ZNF385D: variants seen among roughly 807,000 people sequenced by gnomAD.
The protein encoded by ZNF385D is zinc finger protein 385D.
Under a neutral mutation model 35.8 loss-of-function variants are expected in ZNF385D, and 15 were observed. The observed-to-expected ratio is 0.42, with a 90% CI of 0.28 to 0.64. The LOEUF is 0.64. Ranked by LOEUF, ZNF385D falls within the 30% of genes least tolerant of loss-of-function variation. The pLI is 0.23. For missense variants in ZNF385D, 474 were observed against 494.6 expected, an observed-to-expected ratio of 0.96 and a Z score of 0.39; for synonymous variants, 212 against 186.8, an observed-to-expected ratio of 1.13 and a Z score of -1.10.
intron 2 of ZNF385D, among the ~76,000 whole-genome samples, chr3:22,302,342 ATTTT>A (rs1702946753): frequency 6.6e-6 from 1 of 151,630 alleles, no homozygotes; most frequent in Non-Finnish European, 1.5e-5. Flanking sequence ...TCTCATTGTG[ATTTT>A]AATATGCTTT....
In ZNF385D at chr3:21,497,544, A is replaced by T. The variant is rs185187970; in HGVS notation, c.439+13317T>A. ...ACTCTTCACAGAATTATTTAAAAAA[A>T]TTTTTTTTAAATTCATATGGCCAGG... On this transcript the variant is annotated intron_variant, in intron 4 of 7. Coordinates refer to ENST00000281523, the MANE Select transcript of ZNF385D (RefSeq NM_024697.3). Among the ~76,000 whole-genome samples, 324 of 152,226 alleles carry T rather than the reference A, an allele frequency of 2.1e-3. 1 individual carries two copies. Among genetic ancestry groups the T allele is most frequent in the African/African-American group, 7.2e-3 (301 of 41,542 alleles).
At chr3:21,728,279 TATA>T (rs111369677) in intron 1 of ZNF385D, among the ~76,000 whole-genome samples, 38,219 of 144,694 alleles carry the variant, frequency 0.26, 5,245 homozygotes, top group Middle Eastern at 0.36. Flanking sequence ...GAACTTAAAG[TATA>T]ATAATAATAA....
chr3:21,573,823 G>T (rs2063407968), intron 2 of ZNF385D, among the ~76,000 whole-genome samples: 1 of 151,698 alleles, frequency 6.6e-6, no homozygotes, highest in South Asian at 2.1e-4. Context: ...ACTCTGGAAG[G>T]CCAAGGAGGG....
At chr3:22,143,904 A>G (rs1029058113) in intron 3 of ZNF385D, among the ~76,000 whole-genome samples, 2 of 152,182 alleles carry the variant, frequency 1.3e-5, no homozygotes, top group Admixed American at 6.5e-5. Flanking sequence ...TATCTTATTC[A>G]TTTTTAATAT....
At chr3:22,014,549 C>T (rs1696768018) in intron 3 of ZNF385D, among the ~76,000 whole-genome samples, 1 of 152,054 alleles carries the variant, frequency 6.6e-6, no homozygotes, top group African/African-American at 2.4e-5. Context: ...GAACCCCAAA[C>T]CCACATCCAC....
At chr3:21,866,235 C>T (rs1399557316) in intron 3 of ZNF385D, among the ~76,000 whole-genome samples, 2 of 151,934 alleles carry the variant, frequency 1.3e-5, no homozygotes, top group African/African-American at 4.8e-5. Flanking sequence ...GGCAGATCAT[C>T]TGAGGTCAGG....
intron 2 of ZNF385D, among the ~76,000 whole-genome samples, chr3:21,605,131 G>T (rs1347463838): frequency 6.6e-6 from 1 of 152,156 alleles, no homozygotes; most frequent in Non-Finnish European, 1.5e-5. Context: ...GTATTCATCG[G>T]AGTATAAAGG....
At chr3:21,434,412 G>A (rs780317983) in intron 5 of ZNF385D, among the ~76,000 whole-genome samples, 1 of 152,190 alleles carries the variant, frequency 6.6e-6, no homozygotes, top group Non-Finnish European at 1.5e-5. Flanking sequence ...CCTGGCAGAA[G>A]AGCAGGTATC....
intron 3 of ZNF385D, among the ~76,000 whole-genome samples, chr3:21,861,370 T>C (rs965662357): frequency 4.6e-5 from 7 of 152,174 alleles, no homozygotes; most frequent in African/African-American, 1.4e-4. Context: ...CTCATAAACA[T>C]GCATTTATCT....
At chr3:22,288,268 T>TA (rs1702127368) in intron 2 of ZNF385D, among the ~76,000 whole-genome samples, 1 of 152,088 alleles carries the variant, frequency 6.6e-6, no homozygotes, top group African/African-American at 2.4e-5. Context: ...GGGCTTCTTA[T>TA]ATGTGGACTT....
At chr3:22,301,076 G>A (rs1702875182) in intron 2 of ZNF385D, among the ~76,000 whole-genome samples, 1 of 151,984 alleles carries the variant, frequency 6.6e-6, no homozygotes, top group Non-Finnish European at 1.5e-5. Flanking sequence ...GTTCTACATA[G>A]ACACAGTGTA....
At chr3:21,989,016 G>C (rs550724401) in intron 3 of ZNF385D, among the ~76,000 whole-genome samples, 4 of 152,010 alleles carry the variant, frequency 2.6e-5, no homozygotes, top group Non-Finnish European at 4.4e-5. Context: ...TTCGGCTCGC[G>C]CACGGTGCGC....
At chr3:21,740,901 T>C (rs73822036) in intron 1 of ZNF385D, among the ~76,000 whole-genome samples, 2,185 of 152,290 alleles carry the variant, frequency 0.014, 53 homozygotes, top group African/African-American at 0.05. Flanking sequence ...CTTCAGAGAA[T>C]TTGGTTATAC....
At chr3:22,337,757 T>C (rs1180469122) in intron 2 of ZNF385D, among the ~76,000 whole-genome samples, 1 of 152,194 alleles carries the variant, frequency 6.6e-6, no homozygotes, top group African/African-American at 2.4e-5. Flanking sequence ...TATTTGTATG[T>C]TTTCATAGAA....
chr3:21,997,788 G>T (rs1399236592), intron 3 of ZNF385D, among the ~76,000 whole-genome samples: 1 of 151,848 alleles, frequency 6.6e-6, no homozygotes, highest in African/African-American at 2.4e-5. Context: ...GTTAATACAG[G>T]AATTCTTAAC....
At chr3:21,697,142 C>T (rs2067499470) in intron 1 of ZNF385D, among the ~76,000 whole-genome samples, 3 of 152,122 alleles carry the variant, frequency 2.0e-5, no homozygotes, top group Admixed American at 1.3e-4. Context: ...CCTTGTACCT[C>T]TGCTTCCTCA....
chr3:22,171,825 C>T (rs809661), intron 2 of ZNF385D, among the ~76,000 whole-genome samples: 4 of 144,258 alleles, frequency 2.8e-5, no homozygotes, highest in African/African-American at 5.3e-5. Context: ...TGCAGTGAGC[C>T]GAGATCACGC....
At position 21,415,085 on chromosome 3, in the gene ZNF385D, C is replaced by T. The variant is rs984915355; in HGVS notation, c.*6129G>A. The stretch of plus-strand genomic sequence containing the variant: ...ATTTTGGTTAACAAAATTTAACACA[C>T]TTCACTATAGCTTTAAAACTCTCTG... On this transcript the variant is annotated 3_prime_UTR_variant, in exon 8 of 8. Coordinates refer to ENST00000281523, the MANE Select transcript of ZNF385D (RefSeq NM_024697.3). 7 of 152,100 alleles carry T rather than the reference C, an allele frequency of 4.6e-5. No homozygotes were observed. Among genetic ancestry groups the T allele is most frequent in the Non-Finnish European group, 8.8e-5 (6 of 68,004 alleles). The allele number at this position is 152,100 out of a possible 1,614,324, so 9.4% of individuals were successfully genotyped here. A position where few individuals can be genotyped will look rare whatever the true frequency, so the allele number is the denominator to read the frequency against.
At chr3:22,297,141 A>G (rs1490008966) in intron 2 of ZNF385D, among the ~76,000 whole-genome samples, 1 of 152,114 alleles carries the variant, frequency 6.6e-6, no homozygotes, top group Non-Finnish European at 1.5e-5. Context: ...CTAAGGACCT[A>G]AAGGTCGCAC....
Sources: gnomAD v4.1 joint callset for allele counts (sites outside exome capture counted in the v4.1 genomes callset) on GRCh38, gnomAD v4.1.1 for gene constraint, MANE v1.5 for transcripts, NCBI Gene and HGNC (gene_info 2026-07-23, HGNC 2026-07-21) for gene names.